Variants in UBE2D4 observed in about 807,000 individuals in gnomAD.
UBE2D4 encodes the protein ubiquitin-conjugating enzyme E2 D4.
Under a neutral mutation model 23.0 loss-of-function variants are expected in UBE2D4, and 17 were observed. That is an observed-to-expected ratio of 0.74 (90% CI 0.51 to 1.11). The LOEUF (loss-of-function observed/expected upper bound fraction) is 1.11, where lower values mean the gene tolerates loss of function less well. Among genes scored for constraint, UBE2D4 ranks in the 50% least tolerant of loss-of-function variants. The pLI, the probability that UBE2D4 is intolerant of heterozygous loss-of-function variation, is 0.00. For missense variants in UBE2D4, 139 were observed against 181.8 expected (o/e 0.76, Z 1.35); for synonymous variants, 61 against 69.4 (o/e 0.88, Z 0.60).
At position 43,933,013 on chromosome 7, in the gene UBE2D4, T is replaced by TATATATATACAC. The variant is rs1340458201; in HGVS notation, c.25-5417_25-5416insTATATATACACA. The stretch of plus-strand genomic sequence containing the variant: ...ATATATATATATATATATATATATA[T>TATATATATACAC]ACACACACATATATATACACATATG... On this transcript the variant is annotated intron_variant, in intron 1 of 6. Coordinates refer to ENST00000222402, the MANE Select transcript of UBE2D4 (RefSeq NM_015983.4). 8.4e-3 allele frequency among the ~76,000 whole-genome samples: 980 copies of TATATATATACAC among 116,612 alleles called. 46 individuals carry two copies. Among genetic ancestry groups the TATATATATACAC allele is most frequent in the Non-Finnish European group, 0.012 (714 of 57,236 alleles). 76.5% of individuals were successfully genotyped at this position (116,612 alleles called of 152,430 possible). A position where few individuals can be genotyped will look rare whatever the true frequency, so the allele number is the denominator to read the frequency against.
chr7:43,952,767 G>A lies in UBE2D4; in HGVS notation c.*72G>A. ...GAGAGGTCTTCCCTTAAAACTTTGG[G>A]CTGTTGGCTGAGCCATTCAAAGAGC... On this transcript the variant is annotated 3_prime_UTR_variant, in exon 7 of 7. Transcript: ENST00000222402. 3.8e-6 allele frequency: 5 copies of A among 1,322,438 alleles called. No individual in the cohort carries two copies. Among genetic ancestry groups the A allele is most frequent in the Non-Finnish European group, 5.5e-6 (5 of 915,614 alleles). 81.9% of individuals were successfully genotyped at this position (1,322,438 alleles called of 1,614,324 possible). A position where few individuals can be genotyped will look rare whatever the true frequency, so the allele number is the denominator to read the frequency against.
chr7:43,941,966 G>C (rs1480722801), intron 2 of UBE2D4: 2 of 152,026 alleles, frequency 1.3e-5, no homozygotes, highest in African/African-American at 4.8e-5. Flanking sequence ...TCCTTAACAC[G>C]TAGGGGGCGA....
chr7:43,935,995 C>T (rs578242292), intron 1 of UBE2D4, among the ~76,000 whole-genome samples: 3 of 152,284 alleles, frequency 2.0e-5, no homozygotes, highest in South Asian at 4.1e-4. Flanking sequence ...GTGCCTCAGC[C>T]TCCTGAGTAG....
chr7:43,943,255 T>C (rs2095977566), intron 4 of UBE2D4: 2 of 600,780 alleles, frequency 3.3e-6, no homozygotes, highest in African/African-American at 3.7e-5. Context: ...CTGGCCTTAC[T>C]GAGGCCACAG....
At chr7:43,948,348 AC>A (rs1292520353) in intron 4 of UBE2D4, among the ~76,000 whole-genome samples, 2 of 151,968 alleles carry the variant, frequency 1.3e-5, no homozygotes, top group African/African-American at 2.4e-5. Flanking sequence ...CCTTTCCACC[AC>A]CCTTGTTATT....
At chr7:43,940,585 C>T (rs1303967958) in intron 2 of UBE2D4, among the ~76,000 whole-genome samples, 1 of 152,190 alleles carries the variant, frequency 6.6e-6, no homozygotes, top group African/African-American at 2.4e-5. Context: ...TGGAAGCTAG[C>T]CTTTGGGGCC....
At chr7:43,931,811 G>A (rs1384216713) in intron 1 of UBE2D4, among the ~76,000 whole-genome samples, 1 of 152,024 alleles carries the variant, frequency 6.6e-6, no homozygotes, top group East Asian at 1.9e-4. Context: ...TGATTCTCCT[G>A]TGTCAGCCTC....
intron 5 of UBE2D4, among the ~76,000 whole-genome samples, chr7:43,950,284 T>C (rs1203241329): frequency 1.3e-5 from 2 of 152,162 alleles, no homozygotes; most frequent in African/African-American, 2.4e-5. Flanking sequence ...CAGAGGTTCA[T>C]GATGTAGGGT....
intron 1 of UBE2D4, among the ~76,000 whole-genome samples, chr7:43,935,089 T>C (rs1029206471): frequency 1.3e-5 from 2 of 152,250 alleles, no homozygotes; most frequent in Admixed American, 6.5e-5. Context: ...TCCAACTACG[T>C]AACAGGACCC....
At chr7:43,928,163 C>A in intron 1 of UBE2D4, 1 of 392,200 alleles carries the variant, frequency 2.5e-6, no homozygotes, top group Non-Finnish European at 5.1e-6. Context: ...CCAGATCTCA[C>A]ATGAACTAAT....
intron 4 of UBE2D4, 103 bp downstream of exon 4, chr7:43,943,134 T>A: frequency 8.6e-7 from 1 of 1,157,316 alleles, no homozygotes; most frequent in Non-Finnish European, 1.3e-6. Context: ...ACGTGGGGTT[T>A]CTCTGAGGGC....
At position 43,945,851 on chromosome 7, in the gene UBE2D4, C is replaced by T. The variant is rs891770218; in HGVS notation, c.199-2781C>T. On this transcript the variant is annotated intron_variant, in intron 4 of 6. Coordinates refer to ENST00000222402, the MANE Select transcript of UBE2D4 (RefSeq NM_015983.4). ...AGGCTGGAGTGCAGTGGCGTGATCT[C>T]GGCTCACTGCAACCTCTGCCTCCTG... Among the ~76,000 whole-genome samples the T allele has an allele frequency of 2.1e-5, 3 of 141,324 alleles. No individual in the cohort carries two copies. The Admixed American group carries it at 2.3e-4, about 11-fold the overall frequency. The allele number at this position is 141,324 out of a possible 152,430, so 92.7% of individuals were successfully genotyped here. A position where few individuals can be genotyped will look rare whatever the true frequency, so the allele number is the denominator to read the frequency against.
At chr7:43,929,475 C>T (rs1046950070) in intron 1 of UBE2D4, among the ~76,000 whole-genome samples, 9 of 150,010 alleles carry the variant, frequency 6.0e-5, no homozygotes. Context: ...ATTAGCCAAG[C>T]GTGGTGACAC....
rs1562611120 is a variant in UBE2D4, at chr7:43,954,256, CCTTTT to C, written c.*1562_*1566del. On this transcript the variant is annotated 3_prime_UTR_variant, in exon 7 of 7. Transcript: ENST00000222402. ...CTGCATCTCACCATGTTGAGGATTGCCTTTTTTTTTTTTTTTTTTTTTTTTTTTTA... is the reference window on the plus strand; with the variant it reads ...CTGCATCTCACCATGTTGAGGATTGCTTTTTTTTTTTTTTTTTTTTTTTTA... 5 of 119,184 alleles carry C rather than the reference CCTTTT, an allele frequency of 4.2e-5. No individual in the cohort carries two copies. The highest frequency in any genetic ancestry group is 2.9e-4 in the South Asian group (1 of 3,480). 7.4% of individuals were successfully genotyped at this position (119,184 alleles called of 1,614,324 possible). A position where few individuals can be genotyped will look rare whatever the true frequency, so the allele number is the denominator to read the frequency against.
chr7:43,955,998 G>A lies in UBE2D4; in HGVS notation c.*3303G>A, dbSNP rs905882170. 6.6e-6 allele frequency: 1 copy of A among 152,158 alleles called. No homozygotes were observed. The highest frequency in any genetic ancestry group is 1.5e-5 in the Non-Finnish European group (1 of 68,052). The allele number at this position is 152,158 out of a possible 1,614,324, so 9.4% of individuals were successfully genotyped here. Reference sequence around the variant, plus strand: ...TCTGTTTCCTCACCTGCTGTTCACTGGTGAGAGGAAAAGGGACTTGTTCTC... The same window carrying A: ...TCTGTTTCCTCACCTGCTGTTCACTAGTGAGAGGAAAAGGGACTTGTTCTC... On this transcript the variant is annotated 3_prime_UTR_variant, in exon 7 of 7. Transcript: ENST00000222402.
intron 4 of UBE2D4, among the ~76,000 whole-genome samples, chr7:43,945,404 A>C (rs935681517): frequency 6.6e-6 from 1 of 152,204 alleles, no homozygotes; most frequent in African/African-American, 2.4e-5. Flanking sequence ...ATGAGAGAAG[A>C]AAGTGCTTCT....
At chr7:43,939,818 T>C (rs2095967177) in intron 2 of UBE2D4, among the ~76,000 whole-genome samples, 1 of 151,982 alleles carries the variant, frequency 6.6e-6, no homozygotes, top group Admixed American at 6.6e-5. Context: ...GGCAAATTCA[T>C]AGAGACAGAC....
intron 1 of UBE2D4, among the ~76,000 whole-genome samples, chr7:43,932,851 TAAAG>T (rs1358249493): frequency 2.7e-5 from 4 of 149,766 alleles, no homozygotes; most frequent in Non-Finnish European, 4.5e-5. Flanking sequence ...AAAAGAAAAT[TAAAG>T]AAAATTTGGA....
At chr7:43,926,695 C>A in intron 1 of UBE2D4, 139 bp downstream of exon 1, 1 of 914,720 alleles carries the variant, frequency 1.1e-6, no homozygotes, top group Non-Finnish European at 1.5e-6. Context: ...GCAGAACAGC[C>A]TCCCGCGCAG....
Sources: gnomAD v4.1 joint callset for allele counts (sites outside exome capture counted in the v4.1 genomes callset) on GRCh38, gnomAD v4.1.1 for gene constraint, MANE v1.5 for transcripts, NCBI Gene and HGNC (gene_info 2026-07-23, HGNC 2026-07-21) for gene names.